Variants in CDKAL1 observed in about 807,000 individuals in gnomAD.
CDKAL1 encodes threonylcarbamoyladenosine tRNA methylthiotransferase.
Under a neutral mutation model 68.2 loss-of-function variants are expected in CDKAL1, and 32 were observed. The ratio of observed to expected loss-of-function variants is 0.47; its 90% CI spans 0.35 to 0.63. CDKAL1 has a LOEUF of 0.63. CDKAL1 is among the 30% of genes least tolerant of loss of function. The probability of loss-of-function intolerance (pLI) is 0.00; values close to 1 mark genes in which losing one functional copy is unlikely to be tolerated. For missense variants in CDKAL1, 606 were observed against 696.7 expected (o/e 0.87, Z 1.47); for synonymous variants, 234 against 244.3 (o/e 0.96, Z 0.39).
At chr6:21,170,521 G>C (rs1246471196) in intron 13 of CDKAL1, among the ~76,000 whole-genome samples, 1 of 152,188 alleles carries the variant, frequency 6.6e-6, no homozygotes, top group Non-Finnish European at 1.5e-5. Flanking sequence ...GTAGAGACAG[G>C]GTTTCACTAT....
At chr6:20,716,185 A>G (rs573603552) in intron 5 of CDKAL1, among the ~76,000 whole-genome samples, 2 of 152,326 alleles carry the variant, frequency 1.3e-5, no homozygotes, top group South Asian at 2.1e-4. Context: ...GGAGATAGGA[A>G]CTAACTAAAT....
chr6:21,062,456 T>A (rs890767713), intron 11 of CDKAL1, among the ~76,000 whole-genome samples: 7 of 152,202 alleles, frequency 4.6e-5, no homozygotes, highest in Non-Finnish European at 1.0e-4. Flanking sequence ...TCATATGATA[T>A]TTGTGATTTT....
intron 13 of CDKAL1, among the ~76,000 whole-genome samples, chr6:21,146,058 T>C (rs1776152516): frequency 6.6e-6 from 1 of 152,170 alleles, no homozygotes; most frequent in African/African-American, 2.4e-5. Flanking sequence ...GGCTTGGAGA[T>C]TGTACCCTTC....
intron 15 of CDKAL1, among the ~76,000 whole-genome samples, chr6:21,213,811 A>G (rs1048483087): frequency 3.9e-5 from 6 of 152,196 alleles, no homozygotes; most frequent in Non-Finnish European, 7.3e-5. Flanking sequence ...AGTGCTCCAT[A>G]TGACTCAGAG....
Position 20,815,247 on chromosome 6 carries a change from TACC to T in CDKAL1, c.639-30826_639-30824del, listed in dbSNP as rs201254713. ...ATTTTTTGTCAGATTTCAGAATTAT[TACC>T]ATGTTTGTTTCCTAAGAAAAGTATC... On this transcript the variant is annotated intron_variant, in intron 8 of 15. Transcript: ENST00000274695. Among the ~76,000 whole-genome samples, 14 of 152,286 alleles carry T rather than the reference TACC, an allele frequency of 9.2e-5. 1 individual carries two copies. In the East Asian group the frequency reaches 2.7e-3, roughly 29 times the overall value.
intron 2 of CDKAL1, among the ~76,000 whole-genome samples, chr6:20,544,821 T>C (rs1763532143): frequency 6.6e-6 from 1 of 151,912 alleles, no homozygotes; most frequent in Non-Finnish European, 1.5e-5. Flanking sequence ...TACTGGTCGG[T>C]TGGTTGGTTT....
intron 4 of CDKAL1, among the ~76,000 whole-genome samples, chr6:20,611,154 A>G (rs1766600243): frequency 6.6e-6 from 1 of 152,114 alleles, no homozygotes; most frequent in African/African-American, 2.4e-5. Flanking sequence ...AGCCTTAGTC[A>G]TCTAAATATC....
At chr6:20,835,229 T>C in intron 8 of CDKAL1, among the ~76,000 whole-genome samples, 1 of 152,204 alleles carries the variant, frequency 6.6e-6, no homozygotes, top group East Asian at 1.9e-4. Flanking sequence ...TGTATTCATA[T>C]GTCAACACTT....
intron 9 of CDKAL1, among the ~76,000 whole-genome samples, chr6:20,911,300 C>T (rs1762457641): frequency 6.6e-6 from 1 of 152,190 alleles, no homozygotes; most frequent in Non-Finnish European, 1.5e-5. Flanking sequence ...AAGACCAGGT[C>T]CTTCAGTTCC....
intron 10 of CDKAL1, among the ~76,000 whole-genome samples, chr6:20,984,077 T>C (rs1766306236): frequency 6.6e-6 from 1 of 152,176 alleles, no homozygotes. Context: ...AACTACTACG[T>C]TTTTTTCTGA....
At chr6:21,148,161 C>T (rs946956727) in intron 13 of CDKAL1, among the ~76,000 whole-genome samples, 1 of 152,036 alleles carries the variant, frequency 6.6e-6, no homozygotes, top group African/African-American at 2.4e-5. Flanking sequence ...ATTTCTGTCA[C>T]AGTTGGAAGC....
At chr6:20,568,166 C>T (rs1331884171) in intron 4 of CDKAL1, among the ~76,000 whole-genome samples, 9 of 151,918 alleles carry the variant, frequency 5.9e-5, no homozygotes, top group Non-Finnish European at 1.2e-4. Flanking sequence ...CGTGAGCCAC[C>T]GTGCCCAGCA....
At chr6:21,015,454 T>A (rs1427428117) in intron 11 of CDKAL1, among the ~76,000 whole-genome samples, 1 of 152,246 alleles carries the variant, frequency 6.6e-6, no homozygotes, top group African/African-American at 2.4e-5. Flanking sequence ...CTTTTTCCTG[T>A]ACTTTCTCCT....
chr6:20,693,266 T>G (rs1581395050), intron 5 of CDKAL1, among the ~76,000 whole-genome samples: 1 of 152,340 alleles, frequency 6.6e-6, no homozygotes, highest in Admixed American at 6.5e-5. Flanking sequence ...CATCTTTGTT[T>G]CCTTTTCAAA....
chr6:21,178,433 C>T (rs986048085), intron 13 of CDKAL1, among the ~76,000 whole-genome samples: 1 of 152,024 alleles, frequency 6.6e-6, no homozygotes, highest in South Asian at 2.1e-4. Context: ...ATGATGTGCC[C>T]TGTGTAATTC....
At chr6:21,074,058 G>A (rs1771937054) in intron 12 of CDKAL1, among the ~76,000 whole-genome samples, 1 of 152,174 alleles carries the variant, frequency 6.6e-6, no homozygotes, top group South Asian at 2.1e-4. Flanking sequence ...AAACCTCTTT[G>A]TATTAATGTC....
chr6:21,053,015 C>T (rs1157771255), intron 11 of CDKAL1, among the ~76,000 whole-genome samples: 1 of 151,972 alleles, frequency 6.6e-6, no homozygotes, highest in East Asian at 1.9e-4. Flanking sequence ...AATATTCATT[C>T]AATGTAAGTG....
intron 4 of CDKAL1, among the ~76,000 whole-genome samples, chr6:20,613,401 A>G (rs1265629831): frequency 6.7e-6 from 1 of 149,494 alleles, no homozygotes; most frequent in African/African-American, 2.4e-5. Flanking sequence ...TGGCCTCCCA[A>G]GTAGCTGGGA....
In CDKAL1 at chr6:20,682,969, T is replaced by A. The variant is rs1211163380; in HGVS notation, c.371+33592T>A. On this transcript the variant is annotated intron_variant, in intron 5 of 15. Coordinates refer to ENST00000274695, the MANE Select transcript of CDKAL1 (RefSeq NM_017774.3). ...TTTCTTTCTTTTTTTTTTTTTTTTT[T>A]AGAGACAGGGTCTTGCTATGTTGCC... Among the ~76,000 whole-genome samples, 3 of 118,926 alleles carry A rather than the reference T, an allele frequency of 2.5e-5. No homozygotes were observed. The East Asian group carries it at 7.5e-4, about 30-fold the overall frequency. 78.0% of individuals were successfully genotyped at this position (118,926 alleles called of 152,430 possible).
Sources: gnomAD v4.1 joint callset for allele counts (sites outside exome capture counted in the v4.1 genomes callset) on GRCh38, gnomAD v4.1.1 for gene constraint, MANE v1.5 for transcripts, NCBI Gene and HGNC (gene_info 2026-07-23, HGNC 2026-07-21) for gene names.